Variants in RNF112 observed in about 807,000 individuals in gnomAD.
RNF112 encodes ring finger protein 112, also known as brain finger protein.
RNF112 carries 34 observed loss-of-function variants against 64.7 expected under a neutral mutation model. The ratio of observed to expected loss-of-function variants is 0.53; its 90% CI spans 0.40 to 0.70. The LOEUF (loss-of-function observed/expected upper bound fraction) is 0.70. Ranked by LOEUF, RNF112 falls within the 30% of genes least tolerant of loss-of-function variation. RNF112 has a pLI of 0.00. For missense variants in RNF112, 734 were observed against 850.0 expected (o/e 0.86, Z 1.70); for synonymous variants, 345 against 344.5 (o/e 1.00, Z -0.02).
Position 19,412,938 on chromosome 17 carries a change from G to A in RNF112, c.382G>A (p.Glu128Lys), listed in dbSNP as rs1461374434. ...GGGCCCCTCTCTTCTCCTGGCCCAG[G>A]AGACGTGTCCTGTGAGGGCGGAGCC... Reference protein sequence around the residue: ...PQRPLPPALQETCPVRAEPLL... With the variant: ...PQRPLPPALQKTCPVRAEPLL... Residue 128 changes from glutamate (E) to lysine (K), a missense_variant and splice_region_variant, in exon 4 of 14, where the codon GAG becomes AAG. Coordinates refer to ENST00000461366, the MANE Select transcript of RNF112 (RefSeq NM_007148.5). This position sits in a 1 kb window ranked among gnomAD's most constrained non-coding sequence, Gnocchi z 5.1. 1.9e-6 allele frequency: 3 copies of A among 1,583,980 alleles called. No individual in the cohort carries two copies. Among genetic ancestry groups the A allele is most frequent in the African/African-American group, 1.3e-5 (1 of 74,142 alleles).
rs371838199 is a variant in RNF112 at position 19,416,121 on chromosome 17, G to A, written c.1842G>A (p.Glu614=). The change falls in exon 14 of 14, where the codon GAG becomes GAA. Residue 614 remains glutamate, a synonymous_variant. Transcript: ENST00000461366. ...CCACAGTGGGCTGCATGGAGAAGGA[G>A]GAGGATGAGAGGCTTCTGGAAGGGG... is the stretch of plus-strand genomic sequence containing the variant. ...LAATVGCMEK[E]EDERLLEGDR... 12 of 1,582,104 alleles carry A rather than the reference G, an allele frequency of 7.6e-6. No homozygotes were observed. The highest frequency in any genetic ancestry group is 9.4e-6 in the Non-Finnish European group (11 of 1,164,710).
chr17:19,416,007 T>C lies in RNF112; in HGVS notation c.1728T>C (p.Ala576=), dbSNP rs1160569419. The C allele has an allele frequency of 1.1e-5, 17 of 1,553,202 alleles. No individual in the cohort carries two copies. The highest frequency in any genetic ancestry group is 1.5e-5 in the Non-Finnish European group (17 of 1,150,686). Residue 576 remains alanine (A), a synonymous_variant, in exon 14 of 14, where the codon GCT becomes GCC. Coordinates refer to ENST00000461366, the MANE Select transcript of RNF112 (RefSeq NM_007148.5). ...VGAGMAAAAL[A]AEAGMVAAGA... ...CTGGCATGGCAGCAGCTGCACTGGC[T>C]GCAGAGGCTGGGATGGTGGCTGCTG...
At position 19,412,736 on chromosome 17, in the gene RNF112, G is replaced by A. The variant is rs748364466; in HGVS notation, c.334G>A (p.Glu112Lys). 10 of 1,613,086 alleles carry A rather than the reference G, an allele frequency of 6.2e-6. No homozygotes were observed. The highest frequency in any genetic ancestry group is 1.7e-4 in the Middle Eastern group (1 of 6,060). The change falls in exon 3 of 14, where the codon GAG becomes AAG. Residue 112 changes from glutamate to lysine, a missense_variant. Coordinates refer to ENST00000461366, the MANE Select transcript of RNF112 (RefSeq NM_007148.5). The surrounding 1 kb of genome is among the most constrained non-coding windows in gnomAD (Gnocchi z 5.1). Reference sequence around the variant, plus strand: ...GAAGAGGGGCCTCCGGAGCCTGGGCGAGAAGATGAAGCTCCTGCCGCAGCG... The same window carrying A: ...GAAGAGGGGCCTCCGGAGCCTGGGCAAGAAGATGAAGCTCCTGCCGCAGCG... ...KQKRGLRSLG[E>K]KMKLLPQRPL...
Position 19,413,179 on chromosome 17 carries a change from G to A in RNF112, c.588+35G>A, listed in dbSNP as rs767758797. The A allele has an allele frequency of 2.4e-5, 39 of 1,601,680 alleles. No homozygotes were observed. Among genetic ancestry groups the A allele is most frequent in the Non-Finnish European group, 3.1e-5 (36 of 1,172,766 alleles). Reference sequence around the variant, plus strand: ...GGGCGGGGCAGGAGGGAGGCGGGGAGCAAGGATGGGGGTTCCTGCCTGGGG... The same window carrying A: ...GGGCGGGGCAGGAGGGAGGCGGGGAACAAGGATGGGGGTTCCTGCCTGGGG... On this transcript the variant is annotated intron_variant, in intron 4 of 13. Transcript: ENST00000461366. The surrounding 1 kb of genome is among the most constrained non-coding windows in gnomAD (Gnocchi z 5.9).
Position 19,413,681 on chromosome 17 carries a change from G to C in RNF112, c.825G>C (p.Gln275His). Reference sequence around the variant, plus strand: ...TCACCACGATGCTGAGCTCCTACCAGGTGATGGGGGGCGCTGATGTTGGCA... The same window carrying C: ...TCACCACGATGCTGAGCTCCTACCACGTGATGGGGGGCGCTGATGTTGGCA... ...CALTTMLSSY[Q>H]ILSTSQELKD... Residue 275 changes from glutamine to histidine, a missense_variant and splice_region_variant, in exon 6 of 14, where the codon CAG becomes CAC. By Grantham distance (24) the Gln-to-His change is conservative. Coordinates refer to ENST00000461366, the MANE Select transcript of RNF112 (RefSeq NM_007148.5). This position sits in a 1 kb window ranked among gnomAD's most constrained non-coding sequence, Gnocchi z 5.9. 1 of 1,602,174 alleles carries C rather than the reference G, an allele frequency of 6.2e-7. No individual in the cohort carries two copies. The highest frequency in any genetic ancestry group is 8.5e-7 in the Non-Finnish European group (1 of 1,173,748).
chr17:19,416,297 G>C lies in RNF112; in HGVS notation c.*122G>C. 1.1e-6 allele frequency: 1 copy of C among 933,114 alleles called. No homozygotes were observed. Among genetic ancestry groups the C allele is most frequent in the East Asian group, 2.8e-5 (1 of 35,444 alleles). The allele number at this position is 933,114 out of a possible 1,614,324, so 57.8% of individuals were successfully genotyped here. On this transcript the variant is annotated 3_prime_UTR_variant, in exon 14 of 14. Transcript: ENST00000461366. ...CGCCATGTACTGCACTGCCCTGGTCGAATGCTCGGTGTCTGGGTGGCAGCT... is the reference window on the plus strand; with the variant it reads ...CGCCATGTACTGCACTGCCCTGGTCCAATGCTCGGTGTCTGGGTGGCAGCT...
chr17:19,416,043 G>C lies in RNF112; in HGVS notation c.1764G>C (p.Val588=). ...GGATGGTGGCTGCTGGAGCTGCCGT[G>C]GGGGCCACAGGGGCCGCTGTGGTTG... ...EAGMVAAGAA[V]GATGAAVVGG... Residue 588 remains valine, a synonymous_variant, in exon 14 of 14, where the codon GTG becomes GTC. Coordinates refer to ENST00000461366, the MANE Select transcript of RNF112 (RefSeq NM_007148.5). 6.4e-7 allele frequency: 1 copy of C among 1,553,302 alleles called. No homozygotes were observed.
Position 19,416,437 on chromosome 17 carries a change from T to C in RNF112, c.*262T>C, listed in dbSNP as rs544755194. On this transcript the variant is annotated 3_prime_UTR_variant, in exon 14 of 14. Coordinates refer to ENST00000461366, the MANE Select transcript of RNF112 (RefSeq NM_007148.5). ...GTTGCCGATCTGCCCTTGTCACAGA[T>C]AGGCTACATCCCAGGGTTTCTGGCT... The C allele has an allele frequency of 5.4e-4, 238 of 438,044 alleles. No homozygotes were observed. The Middle Eastern group carries it at 6.0e-3, about 11-fold the overall frequency. The allele number at this position is 438,044 out of a possible 1,614,324, so 27.1% of individuals were successfully genotyped here.
At position 19,414,335 on chromosome 17, in the gene RNF112, A is replaced by C. The variant is rs1048035988; in HGVS notation, c.877-114A>C. 7.4e-6 allele frequency: 10 copies of C among 1,342,342 alleles called. No homozygotes were observed. The Admixed American group carries it at 1.8e-4, about 24-fold the overall frequency. The allele number at this position is 1,342,342 out of a possible 1,614,324, so 83.2% of individuals were successfully genotyped here. A position where few individuals can be genotyped will look rare whatever the true frequency, so the allele number is the denominator to read the frequency against. ...GAGAGGCAGGAGAACCCCAGGCTGC[A>C]AAAGGGGGAGCCTAGCTCCTACAGC... On this transcript the variant is annotated intron_variant, in intron 7 of 13. Coordinates refer to ENST00000461366, the MANE Select transcript of RNF112 (RefSeq NM_007148.5).
rs781307058 is a variant in RNF112 at position 19,412,553 on chromosome 17, C to T, written c.151C>T (p.Pro51Ser). 8.7e-6 allele frequency: 14 copies of T among 1,613,410 alleles called. No individual in the cohort carries two copies. The South Asian group carries it at 1.4e-4, about 16-fold the overall frequency. The change falls in exon 3 of 14, where the codon CCC (proline) becomes TCC (serine). Residue 51 changes from proline to serine, a missense_variant. Pro to Ser is a moderately conservative substitution (Grantham distance 74). Transcript: ENST00000461366. This position sits in a 1 kb window ranked among gnomAD's most constrained non-coding sequence, Gnocchi z 5.1. ...ELGLGPQPMA[P>S]RELPTCSICL... Reference sequence around the variant, plus strand: ...AGGCCTGGGGCCCCAGCCCATGGCGCCCCGGGAGCTCCCTACCTGCTCCAT... The same window carrying T: ...AGGCCTGGGGCCCCAGCCCATGGCGTCCCGGGAGCTCCCTACCTGCTCCAT...
rs574674458 is a variant in RNF112, at chr17:19,414,011, G to A, written c.826-84G>A. ...ACTCTGAGGCCCACAGGCTGCCTGC[G>A]AGCTCCCTACTCACCAGGGCCTTCC... is the stretch of plus-strand genomic sequence containing the variant. On this transcript the variant is annotated intron_variant, in intron 6 of 13. Transcript: ENST00000461366. 2.0e-5 allele frequency: 24 copies of A among 1,201,380 alleles called. No homozygotes were observed. The East Asian group carries it at 3.3e-4, about 17-fold the overall frequency. 74.4% of individuals were successfully genotyped at this position (1,201,380 alleles called of 1,614,324 possible). A position where few individuals can be genotyped will look rare whatever the true frequency, so the allele number is the denominator to read the frequency against.
At position 19,413,722 on chromosome 17, in the gene RNF112, C is replaced by A. The variant is rs928643397; in HGVS notation, c.825+41C>A. On this transcript the variant is annotated intron_variant, in intron 6 of 13. Coordinates refer to ENST00000461366, the MANE Select transcript of RNF112 (RefSeq NM_007148.5). This position sits in a 1 kb window ranked among gnomAD's most constrained non-coding sequence, Gnocchi z 5.9. The stretch of plus-strand genomic sequence containing the variant: ...GATGTTGGCATCCCCACCCCACACA[C>A]CCTTCTCCAGCTCAGCTTCCTCAAG... The A allele has an allele frequency of 7.0e-7, 1 of 1,429,234 alleles. No individual in the cohort carries two copies. Among genetic ancestry groups the A allele is most frequent in the Non-Finnish European group, 9.6e-7 (1 of 1,041,430 alleles). The allele number at this position is 1,429,234 out of a possible 1,614,324, so 88.5% of individuals were successfully genotyped here.
Position 19,412,552 on chromosome 17 carries a change from GC to G in RNF112, c.154del (p.Arg52GlyfsTer63). On this transcript the variant is annotated frameshift_variant, in exon 3 of 14. Transcript: ENST00000461366. LOFTEE classifies it high-confidence loss of function. This position sits in a 1 kb window ranked among gnomAD's most constrained non-coding sequence, Gnocchi z 5.1. ...ELGLGPQPMA[P>X]RELPTCSICL... ...TAGGCCTGGGGCCCCAGCCCATGGC[GC>G]CCCGGGAGCTCCCTACCTGCTCCAT... 6.2e-7 allele frequency: 1 copy of G among 1,613,208 alleles called. No individual in the cohort carries two copies. Among genetic ancestry groups the G allele is most frequent in the Non-Finnish European group, 8.5e-7 (1 of 1,179,706 alleles).
Position 19,414,893 on chromosome 17 carries a change from T to C in RNF112, c.1126+6T>C. ...AGGCCATGCAAGCCCTGGTGGTGAG[T>C]GTCTCTGAGAGCTGAACCTCTCTTG... On this transcript the variant is annotated splice_donor_region_variant and intron_variant, in intron 10 of 13. Coordinates refer to ENST00000461366, the MANE Select transcript of RNF112 (RefSeq NM_007148.5). 2 of 1,612,666 alleles carry C rather than the reference T, an allele frequency of 1.2e-6. No individual in the cohort carries two copies. Among genetic ancestry groups the C allele is most frequent in the Non-Finnish European group, 8.5e-7 (1 of 1,179,368 alleles).
At position 19,412,088 on chromosome 17, in the gene RNF112, C is replaced by T. The variant is rs1368550887; in HGVS notation, c.96-410C>T. Reference sequence around the variant, plus strand: ...GGCACTGTGCAGACAGCTGCACACGCCTCCTCTCGGATGGCCACCCCAACG... The same window carrying T: ...GGCACTGTGCAGACAGCTGCACACGTCTCCTCTCGGATGGCCACCCCAACG... On this transcript the variant is annotated intron_variant, in intron 2 of 13. Coordinates refer to ENST00000461366, the MANE Select transcript of RNF112 (RefSeq NM_007148.5). This position sits in a 1 kb window ranked among gnomAD's most constrained non-coding sequence, Gnocchi z 5.1. Among the ~76,000 whole-genome samples the T allele has an allele frequency of 1.3e-5, 2 of 152,234 alleles. No individual in the cohort carries two copies. Among genetic ancestry groups the T allele is most frequent in the Non-Finnish European group, 2.9e-5 (2 of 68,036 alleles).
chr17:19,411,289 C>G lies in RNF112; in HGVS notation c.-120C>G. 1.1e-6 allele frequency: 1 copy of G among 869,936 alleles called. No homozygotes were observed. Among genetic ancestry groups the G allele is most frequent in the Non-Finnish European group, 1.8e-6 (1 of 562,494 alleles). The allele number at this position is 869,936 out of a possible 1,614,324, so 53.9% of individuals were successfully genotyped here. ...CTCCTCGGGGATACCATCCCCCGAC[C>G]TCACCTTCTACCTACCGCAGCCTGC... On this transcript the variant is annotated 5_prime_UTR_variant, in exon 1 of 14. Transcript: ENST00000461366.
rs971184557 is a variant in RNF112, at chr17:19,415,448, G to C, written c.1351-70G>C. Reference sequence around the variant, plus strand: ...GGGGTCTGTGTGCCCTGGGAGTGGAGATGAGGAAACAAGCAGCGCCCCTGG... The same window carrying C: ...GGGGTCTGTGTGCCCTGGGAGTGGACATGAGGAAACAAGCAGCGCCCCTGG... On this transcript the variant is annotated intron_variant, in intron 12 of 13. Coordinates refer to ENST00000461366, the MANE Select transcript of RNF112 (RefSeq NM_007148.5). The surrounding 1 kb of genome is among the most constrained non-coding windows in gnomAD (Gnocchi z 7.8). The C allele has an allele frequency of 1.3e-6, 2 of 1,559,780 alleles. No individual in the cohort carries two copies. The highest frequency in any genetic ancestry group is 1.4e-5 in the African/African-American group (1 of 73,936).
chr17:19,413,186 T>C lies in RNF112; in HGVS notation c.588+42T>C. On this transcript the variant is annotated intron_variant, in intron 4 of 13. Transcript: ENST00000461366. The surrounding 1 kb of genome is among the most constrained non-coding windows in gnomAD (Gnocchi z 5.9). ...GCAGGAGGGAGGCGGGGAGCAAGGA[T>C]GGGGGTTCCTGCCTGGGGGAAGCTG... The C allele has an allele frequency of 3.8e-6, 6 of 1,596,032 alleles. No homozygotes were observed. The highest frequency in any genetic ancestry group is 5.1e-6 in the Non-Finnish European group (6 of 1,169,350).
At chr17:19,411,547 G>T in intron 1 of RNF112, 83 bp from the exon 2 acceptor site, 2 of 1,535,542 alleles carry the variant, frequency 1.3e-6, no homozygotes, top group Non-Finnish European at 1.8e-6. Flanking sequence ...GGGTGGGGAG[G>T]ATGAGGGGTC....
Sources: allele counts gnomAD v4.1 joint callset (sites outside exome capture counted in the v4.1 genomes callset), GRCh38; gene constraint gnomAD v4.1.1; non-coding constraint Gnocchi (gnomAD v3.1); transcripts MANE v1.5; gene names NCBI Gene and HGNC (gene_info 2026-07-23, HGNC 2026-07-21).